The following NFS1 variants were observed in gnomAD, a reference collection of about 807,000 sequenced individuals.
NFS1 encodes cysteine desulfurase.
In NFS1, 26 loss-of-function variants were observed where a neutral mutation model predicts 57.3. The observed-to-expected ratio is 0.45, with a 90% CI of 0.33 to 0.63. NFS1 has a LOEUF of 0.63. Among genes scored for constraint, NFS1 ranks in the 20% least tolerant of loss-of-function variants. The pLI is 0.02. For missense variants in NFS1, 505 were observed against 605.8 expected (o/e 0.83, Z 1.75); for synonymous variants, 209 against 216.3 (o/e 0.97, Z 0.30).
intron 11 of NFS1, 72 bp downstream of exon 11, chr20:35,673,528 GA>G: frequency 1.5e-6 from 2 of 1,367,092 alleles, no homozygotes; most frequent in African/African-American, 1.4e-5. Flanking sequence ...GGTGGAAAAA[GA>G]AAAAAACTGT....
At position 35,668,289 on chromosome 20, in the gene NFS1, A is replaced by C. The variant is rs1280746786; in HGVS notation, c.*1333T>G. 1.3e-5 allele frequency: 2 copies of C among 152,222 alleles called. No individual in the cohort carries two copies. The highest frequency in any genetic ancestry group is 3.8e-4 in the East Asian group (2 of 5,206). 9.4% of individuals were successfully genotyped at this position (152,222 alleles called of 1,614,324 possible). On this transcript the variant is annotated 3_prime_UTR_variant, in exon 13 of 13. Transcript: ENST00000374092. Reference sequence around the variant, plus strand: ...CTACTGGCAAGTATGAAAAGCAATTAAACTTTTTTGACCATTATCCACAAT... The same window carrying C: ...CTACTGGCAAGTATGAAAAGCAATTCAACTTTTTTGACCATTATCCACAAT...
intron 5 of NFS1, among the ~76,000 whole-genome samples, chr20:35,686,743 G>A (rs1285745662): frequency 6.6e-6 from 1 of 152,086 alleles, no homozygotes; most frequent in Non-Finnish European, 1.5e-5. Context: ...AAGCCACCCA[G>A]GTGCCGAGGC....
chr20:35,669,741 A>T, intron 12 of NFS1, 56 bp from the exon 13 acceptor site: 1 of 1,527,552 alleles, frequency 6.5e-7, no homozygotes, highest in African/African-American at 1.4e-5. Context: ...AGTCGACAAC[A>T]TTGGCCCCAA....
intron 5 of NFS1, among the ~76,000 whole-genome samples, chr20:35,684,155 C>A (rs1028205645): frequency 2.0e-5 from 3 of 151,994 alleles, no homozygotes; most frequent in Non-Finnish European, 4.4e-5. Context: ...CGCCTGTAAT[C>A]CCAGCACTTT....
chr20:35,693,393 C>T (rs963621063), intron 4 of NFS1, among the ~76,000 whole-genome samples: 6 of 151,706 alleles, frequency 4.0e-5, no homozygotes, highest in Non-Finnish European at 5.9e-5. Flanking sequence ...CCACTGCACC[C>T]GGCCTACACT....
chr20:35,691,243 T>G (rs2035034466), intron 4 of NFS1, among the ~76,000 whole-genome samples: 1 of 152,198 alleles, frequency 6.6e-6, no homozygotes, highest in African/African-American at 2.4e-5. Flanking sequence ...CTCTATATTA[T>G]TGGAATTTAT....
Position 35,668,969 on chromosome 20 carries a change from T to A in NFS1, c.*653A>T, listed in dbSNP as rs893231337. 1 of 152,096 alleles carries A rather than the reference T, an allele frequency of 6.6e-6. No individual in the cohort carries two copies. The highest frequency in any genetic ancestry group is 2.4e-5 in the African/African-American group (1 of 41,404). 9.4% of individuals were successfully genotyped at this position (152,096 alleles called of 1,614,324 possible). A position where few individuals can be genotyped will look rare whatever the true frequency, so the allele number is the denominator to read the frequency against. ...ACCTCTCATAAAGTCACAGAGTAAATAGAAGGTGAGTTTATTTCTCCAGTC... is the reference window on the plus strand; with the variant it reads ...ACCTCTCATAAAGTCACAGAGTAAAAAGAAGGTGAGTTTATTTCTCCAGTC... On this transcript the variant is annotated 3_prime_UTR_variant, in exon 13 of 13. Transcript: ENST00000374092.
chr20:35,678,774 G>A (rs2034800265), intron 7 of NFS1, among the ~76,000 whole-genome samples: 1 of 151,812 alleles, frequency 6.6e-6, no homozygotes, highest in Admixed American at 6.6e-5. Context: ...TAGGAGGGTT[G>A]CTTGAGCCCA....
At chr20:35,669,980 A>C (rs2034627196) in intron 12 of NFS1, among the ~76,000 whole-genome samples, 1 of 152,192 alleles carries the variant, frequency 6.6e-6, no homozygotes, top group Non-Finnish European at 1.5e-5. Context: ...CATATTCTTG[A>C]AGCTTTCATC....
In NFS1 at chr20:35,697,750, C is replaced by T; in HGVS notation, c.258G>A (p.Gly86=). The part of the protein sequence containing the change: ...AMLPYLINYY[G]NPHSRTHAYG... ...AAGCATGTGTCCGGGAGTGTGGGTT[C>T]CCATAGTAGTTGATTAGGTAAGGGA... The change falls in exon 3 of 13, where the codon GGG becomes GGA. Residue 86 remains glycine (G), a synonymous_variant. Coordinates refer to ENST00000374092, the MANE Select transcript of NFS1 (RefSeq NM_021100.5). The T allele has an allele frequency of 6.2e-7, 1 of 1,613,948 alleles. No individual in the cohort carries two copies. The highest frequency in any genetic ancestry group is 8.5e-7 in the Non-Finnish European group (1 of 1,179,968).
Position 35,674,334 on chromosome 20 carries a change from A to G in NFS1, c.1136+16T>C, listed in dbSNP as rs1186802531. The G allele has an allele frequency of 3.7e-6, 6 of 1,611,694 alleles. No homozygotes were observed. In the South Asian group the frequency reaches 4.4e-5, roughly 12 times the overall value. Reference sequence around the variant, plus strand: ...AGTGGCCCTGCCGCAGGCCCTGTCTATGCCGTCCAGCTCACCTCCCTGAGG... The same window carrying G: ...AGTGGCCCTGCCGCAGGCCCTGTCTGTGCCGTCCAGCTCACCTCCCTGAGG... On this transcript the variant is annotated intron_variant, in intron 10 of 12. Coordinates refer to ENST00000374092, the MANE Select transcript of NFS1 (RefSeq NM_021100.5).
chr20:35,685,348 T>TGTGGTGG (rs1237958275), intron 5 of NFS1, among the ~76,000 whole-genome samples: 9 of 151,500 alleles, frequency 5.9e-5, no homozygotes, highest in Non-Finnish European at 1.2e-4. Context: ...CAGAGCAAGT[T>TGTGGTGG]CCTCTCTCAT....
At chr20:35,673,824 T>C in intron 10 of NFS1, 140 bp from the exon 11 acceptor site, 1 of 614,468 alleles carries the variant, frequency 1.6e-6, no homozygotes, top group African/African-American at 1.9e-5. Flanking sequence ...CTGGCAGAAC[T>C]AAAGGACCTG....
chr20:35,686,505 T>C (rs1277988891), intron 5 of NFS1, among the ~76,000 whole-genome samples: 2 of 152,078 alleles, frequency 1.3e-5, no homozygotes, highest in African/African-American at 4.8e-5. Flanking sequence ...AAAAGATGAA[T>C]GTTATGGTAT....
In NFS1 at chr20:35,669,529, A is replaced by G; in HGVS notation, c.*93T>C. On this transcript the variant is annotated 3_prime_UTR_variant, in exon 13 of 13. Transcript: ENST00000374092. ...GAAGTCAACTGGTCTATACCAATCT[A>G]GAGCATCCACTAGGTGTAACAAGGT... 2 of 1,107,764 alleles carry G rather than the reference A, an allele frequency of 1.8e-6. No individual in the cohort carries two copies. Among genetic ancestry groups the G allele is most frequent in the Non-Finnish European group, 2.8e-6 (2 of 721,286 alleles). 68.6% of individuals were successfully genotyped at this position (1,107,764 alleles called of 1,614,324 possible). A position where few individuals can be genotyped will look rare whatever the true frequency, so the allele number is the denominator to read the frequency against.
intron 12 of NFS1, among the ~76,000 whole-genome samples, chr20:35,670,246 T>G (rs1184372538): frequency 2.0e-5 from 3 of 152,214 alleles, no homozygotes. Context: ...TCCCCAGAGT[T>G]GGCCTGTGCT....
intron 4 of NFS1, 65 bp downstream of exon 4, chr20:35,696,312 G>C: frequency 9.3e-7 from 1 of 1,077,072 alleles, no homozygotes; most frequent in Non-Finnish European, 1.4e-6. Context: ...GAGTCCAAAT[G>C]ATGGAGGGAC....
chr20:35,677,921 A>G (rs976133973), intron 7 of NFS1, among the ~76,000 whole-genome samples: 7 of 152,164 alleles, frequency 4.6e-5, no homozygotes, highest in Non-Finnish European at 8.8e-5. Flanking sequence ...TTTAAAAATT[A>G]GCCAGGCATT....
chr20:35,695,509 C>A (rs967177272), intron 4 of NFS1, among the ~76,000 whole-genome samples: 1 of 152,200 alleles, frequency 6.6e-6, no homozygotes, highest in East Asian at 1.9e-4. Context: ...ACTAAAAGTA[C>A]CTTTTCCTTG....
Sources: gnomAD v4.1 joint callset for allele counts (sites outside exome capture counted in the v4.1 genomes callset) on GRCh38, gnomAD v4.1.1 for gene constraint, MANE v1.5 for transcripts, NCBI Gene and HGNC (gene_info 2026-07-23, HGNC 2026-07-21) for gene names.